The following STAM2 variants were observed in gnomAD, a reference collection of about 807,000 sequenced individuals.
STAM2 encodes the protein signal transducing adapter molecule 2.
STAM2 carries 51 observed loss-of-function variants against 65.6 expected under a neutral mutation model. That is an observed-to-expected ratio of 0.78 (90% CI 0.62 to 0.98). The LOEUF is 0.98. Among genes scored for constraint, STAM2 ranks in the 50% least tolerant of loss-of-function variants. The probability of loss-of-function intolerance (pLI) is 0.00; values close to 1 mark genes in which losing one functional copy is unlikely to be tolerated. For missense variants in STAM2, 584 were observed against 617.8 expected, an observed-to-expected ratio of 0.95 and a Z score of 0.58; for synonymous variants, 198 against 208.4, an observed-to-expected ratio of 0.95 and a Z score of 0.43.
At chr2:152,140,359 A>ACC (rs1169990305) in intron 7 of STAM2, among the ~76,000 whole-genome samples, 1 of 152,238 alleles carries the variant, frequency 6.6e-6, no homozygotes, top group Non-Finnish European at 1.5e-5. Context: ...GCACTCTGAG[A>ACC]TAAAACAAAA....
intron 13 of STAM2, 54 bp from the exon 14 acceptor site, chr2:152,120,856 TA>T: frequency 7.2e-7 from 1 of 1,386,120 alleles, no homozygotes; most frequent in South Asian, 1.2e-5. Context: ...TATATAAGGT[TA>T]GAGATCAATC....
rs1217060746 is a variant in STAM2, at chr2:152,160,697, T to TG, written c.41-10469dup. Among the ~76,000 whole-genome samples the TG allele has an allele frequency of 5.6e-3, 713 of 127,754 alleles. 8 individuals are homozygous for TG. Among genetic ancestry groups the TG allele is most frequent in the African/African-American group, 0.02 (656 of 32,456 alleles). The allele number at this position is 127,754 out of a possible 152,430, so 83.8% of individuals were successfully genotyped here. On this transcript the variant is annotated intron_variant, in intron 1 of 13. Coordinates refer to ENST00000263904, the MANE Select transcript of STAM2 (RefSeq NM_005843.6). ...CCAGCCACCCCGTCCGGGAGGGAGG[T>TG]GGGGGGGTCAGCCCCCCGCCTGGCC...
At chr2:152,163,709 CTAAATAT>C (rs1689726356) in intron 1 of STAM2, among the ~76,000 whole-genome samples, 1 of 152,058 alleles carries the variant, frequency 6.6e-6, no homozygotes, top group Non-Finnish European at 1.5e-5. Flanking sequence ...GCAAGGAATA[CTAAATAT>C]TAAGACCCTA....
At chr2:152,130,855 G>A (rs1471176160) in intron 11 of STAM2, among the ~76,000 whole-genome samples, 1 of 151,448 alleles carries the variant, frequency 6.6e-6, no homozygotes, top group Non-Finnish European at 1.5e-5. Context: ...AAATTAGCCG[G>A]GCATGGTGGC....
intron 1 of STAM2, among the ~76,000 whole-genome samples, chr2:152,166,368 A>G (rs1560224660): frequency 6.6e-6 from 1 of 152,250 alleles, no homozygotes; most frequent in Non-Finnish European, 1.5e-5. Flanking sequence ...GAGGAAAAAA[A>G]TAACAAGAGA....
chr2:152,133,913 T>C (rs1340984650), intron 8 of STAM2, among the ~76,000 whole-genome samples: 1 of 152,152 alleles, frequency 6.6e-6, no homozygotes, highest in Non-Finnish European at 1.5e-5. Context: ...CATAGTTACA[T>C]CTACGAGTTC....
At chr2:152,150,979 C>G (rs1033568248) in intron 1 of STAM2, among the ~76,000 whole-genome samples, 1 of 151,740 alleles carries the variant, frequency 6.6e-6, no homozygotes, top group Non-Finnish European at 1.5e-5. Context: ...GGATTACAGG[C>G]CACTGCACCC....
intron 1 of STAM2, among the ~76,000 whole-genome samples, chr2:152,171,958 A>G (rs1446819019): frequency 2.0e-5 from 3 of 152,202 alleles, no homozygotes; most frequent in Non-Finnish European, 4.4e-5. Flanking sequence ...TTGGAAATCA[A>G]TGAATAAGGA....
In STAM2 at chr2:152,126,364, C is replaced by T. The variant is rs748464839; in HGVS notation, c.1041G>A (p.Leu347=). Residue 347 remains leucine (L), a synonymous_variant, in exon 12 of 14, where the codon TTG becomes TTA. Transcript: ENST00000263904. ...CCAGGACTTTAACATTCAATTCAGACAATTCTGAATGCTTCCTGATGTAGA... is the reference window on the plus strand; with the variant it reads ...CCAGGACTTTAACATTCAATTCAGATAATTCTGAATGCTTCCTGATGTAGA... ...LEEIDRKHSE[L]SELNVKVLEA... The T allele has an allele frequency of 5.7e-6, 9 of 1,571,886 alleles. No individual in the cohort carries two copies. Among genetic ancestry groups the T allele is most frequent in the Non-Finnish European group, 7.8e-6 (9 of 1,160,394 alleles).
intron 7 of STAM2, among the ~76,000 whole-genome samples, chr2:152,137,173 C>G (rs1280561301): frequency 4.6e-5 from 7 of 152,194 alleles, no homozygotes; most frequent in African/African-American, 1.7e-4. Flanking sequence ...CAGGTGTGAG[C>G]CACCGCACCC....
chr2:152,173,858 C>A (rs990266956), intron 1 of STAM2, among the ~76,000 whole-genome samples: 1 of 152,142 alleles, frequency 6.6e-6, no homozygotes, highest in African/African-American at 2.4e-5. Flanking sequence ...ACAGGAGGGC[C>A]TCAAATTCAT....
chr2:152,158,535 T>C (rs183616485), intron 1 of STAM2, among the ~76,000 whole-genome samples: 105 of 152,132 alleles, frequency 6.9e-4, no homozygotes, highest in African/African-American at 2.4e-3. Context: ...AATCAGGACA[T>C]GTGGATAATT....
At chr2:152,125,582 A>T (rs1253536877) in intron 12 of STAM2, among the ~76,000 whole-genome samples, 1 of 152,220 alleles carries the variant, frequency 6.6e-6, no homozygotes. Context: ...CACACAAAAA[A>T]GGTGAAAAGT....
In STAM2 at chr2:152,144,027, T is replaced by C; in HGVS notation, c.518-14A>G. ...ATAATTCAATAGCTAGTTTCAAAAA[T>C]TAAAATGCAAAGAAACTGGAATTAA... On this transcript the variant is annotated splice_polypyrimidine_tract_variant and intron_variant, in intron 6 of 13. Transcript: ENST00000263904. 6.3e-7 allele frequency: 1 copy of C among 1,591,934 alleles called. No homozygotes were observed. The highest frequency in any genetic ancestry group is 8.5e-7 in the Non-Finnish European group (1 of 1,174,078).
intron 7 of STAM2, among the ~76,000 whole-genome samples, chr2:152,137,837 G>A (rs1689182718): frequency 6.6e-6 from 1 of 151,852 alleles, no homozygotes; most frequent in African/African-American, 2.4e-5. Context: ...TATAAAAAGA[G>A]CCATTCATCA....
rs1026764255 is a variant in STAM2, at chr2:152,118,707, T to A, written c.*1867A>T. ...ATCGAGAGCAGCTTTGGATTTTTTT[T>A]AAATGTTTTTTAAAAATTATTATTT... is the stretch of plus-strand genomic sequence containing the variant. On this transcript the variant is annotated 3_prime_UTR_variant, in exon 14 of 14. Transcript: ENST00000263904. 10 of 150,336 alleles carry A rather than the reference T, an allele frequency of 6.7e-5. No homozygotes were observed. The highest frequency in any genetic ancestry group is 1.3e-4 in the Admixed American group (2 of 14,916). 9.3% of individuals were successfully genotyped at this position (150,336 alleles called of 1,614,324 possible).
At position 152,175,584 on chromosome 2, in the gene STAM2, G is replaced by A. The variant is rs548719800; in HGVS notation, c.40+19C>T. 5.0e-6 allele frequency: 8 copies of A among 1,613,904 alleles called. No homozygotes were observed. The highest frequency in any genetic ancestry group is 6.8e-6 in the Non-Finnish European group (8 of 1,179,944). On this transcript the variant is annotated intron_variant, in intron 1 of 13. Transcript: ENST00000263904. Reference sequence around the variant, plus strand: ...CAGGGCCAGGCACACAGCAGTCCAGGACCGGGCACAGCACTCACCCACGTC... The same window carrying A: ...CAGGGCCAGGCACACAGCAGTCCAGAACCGGGCACAGCACTCACCCACGTC...
chr2:152,124,251 G>A (rs1300277204), intron 12 of STAM2: 1 of 235,630 alleles, frequency 4.2e-6, no homozygotes, highest in Non-Finnish European at 8.3e-6. Flanking sequence ...TTGCTGTAGA[G>A]CCACAGAAAA....
In STAM2 at chr2:152,132,094, T is replaced by TG; in HGVS notation, c.1025+19_1025+20insC. The TG allele has an allele frequency of 6.6e-7, 1 of 1,517,890 alleles. No homozygotes were observed. Among genetic ancestry groups the TG allele is most frequent in the Non-Finnish European group, 8.9e-7 (1 of 1,123,098 alleles). The allele number at this position is 1,517,890 out of a possible 1,614,324, so 94.0% of individuals were successfully genotyped here. A position where few individuals can be genotyped will look rare whatever the true frequency, so the allele number is the denominator to read the frequency against. ...AACCCCCCAAAACTATACTTTTTAT[T>TG]CCTGCACGAAAAATCTCACCTATCA... On this transcript the variant is annotated intron_variant, in intron 11 of 13. Transcript: ENST00000263904.
Sources: allele counts gnomAD v4.1 joint callset (sites outside exome capture counted in the v4.1 genomes callset), GRCh38; gene constraint gnomAD v4.1.1; transcripts MANE v1.5; gene names NCBI Gene and HGNC (gene_info 2026-07-23, HGNC 2026-07-21).